ELP4: variants seen among roughly 807,000 people sequenced by gnomAD.
ELP4 encodes elongator complex protein 4.
In ELP4, 51 loss-of-function variants were observed where a neutral mutation model predicts 48.9. The observed-to-expected ratio is 1.04, with a 90% confidence interval of 0.83 to 1.32. The LOEUF (loss-of-function observed/expected upper bound fraction) is 1.32. Among genes scored for constraint, ELP4 ranks in the 40% most tolerant of loss-of-function variants. ELP4 has a pLI of 0.00. For synonymous variants in ELP4, 210 were observed against 189.2 expected, an observed-to-expected ratio of 1.11 and a Z score of -0.90; for missense variants, 519 against 514.6, an observed-to-expected ratio of 1.01 and a Z score of -0.08.
chr11:31,613,697 T>A (rs897799778), intron 5 of ELP4, among the ~76,000 whole-genome samples: 1 of 151,700 alleles, frequency 6.6e-6, no homozygotes, highest in African/African-American at 2.4e-5. Context: ...ACGTTTGAAT[T>A]TTTATGATGA....
intron 3 of ELP4, among the ~76,000 whole-genome samples, chr11:31,583,776 C>T (rs1020224188): frequency 2.6e-5 from 4 of 152,068 alleles, no homozygotes; most frequent in South Asian, 2.1e-4. Context: ...AAATACATTT[C>T]CTATTTTCTA....
rs1264323288 is a variant in ELP4 at position 31,547,936 on chromosome 11, A to G, written c.381+8153A>G. ...AAAAGGCCTTTGACAAAATTCAACA[A>G]CCCTTCATGCTAAAAACTCTCAATA... On this transcript the variant is annotated intron_variant, in intron 3 of 9. Coordinates refer to ENST00000640961, the MANE Select transcript of ELP4 (RefSeq NM_019040.5). 7.9e-5 allele frequency among the ~76,000 whole-genome samples: 12 copies of G among 152,136 alleles called. No homozygotes were observed. The South Asian group carries it at 8.3e-4, about 11-fold the overall frequency.
At chr11:31,725,068 G>T (rs1947048047) in intron 9 of ELP4, among the ~76,000 whole-genome samples, 1 of 152,174 alleles carries the variant, frequency 6.6e-6, no homozygotes, top group Non-Finnish European at 1.5e-5. Flanking sequence ...GTGGGAATAG[G>T]CATATGTTTC....
At chr11:31,738,569 C>G (rs1431318451) in intron 9 of ELP4, among the ~76,000 whole-genome samples, 2 of 152,082 alleles carry the variant, frequency 1.3e-5, no homozygotes, top group Non-Finnish European at 2.9e-5. Context: ...AACCCCATCT[C>G]TACAAAAAAT....
chr11:31,562,666 T>C (rs1957040819), intron 3 of ELP4, among the ~76,000 whole-genome samples: 1 of 152,176 alleles, frequency 6.6e-6, no homozygotes, highest in Non-Finnish European at 1.5e-5. Context: ...CACTTTTATA[T>C]TCAAGAAAAA....
intron 6 of ELP4, among the ~76,000 whole-genome samples, chr11:31,627,723 G>T (rs1944776969): frequency 6.6e-6 from 1 of 151,994 alleles, no homozygotes; most frequent in African/African-American, 2.4e-5. Flanking sequence ...CACTAATAAA[G>T]ATGTTCTGGT....
chr11:31,547,252 G>GA (rs1231204972), intron 3 of ELP4, among the ~76,000 whole-genome samples: 2 of 151,514 alleles, frequency 1.3e-5, no homozygotes, highest in Non-Finnish European at 1.5e-5. Flanking sequence ...GACTAATAAA[G>GA]AAAAAAAGAG....
At chr11:31,574,919 A>T (rs1957248114) in intron 3 of ELP4, among the ~76,000 whole-genome samples, 1 of 152,216 alleles carries the variant, frequency 6.6e-6, no homozygotes, top group Non-Finnish European at 1.5e-5. Context: ...CAACAGAACA[A>T]AGCTGGACGG....
intron 5 of ELP4, among the ~76,000 whole-genome samples, chr11:31,616,016 A>G (rs964469522): frequency 2.0e-5 from 3 of 152,216 alleles, no homozygotes; most frequent in African/African-American, 7.2e-5. Context: ...CAAAAATCCT[A>G]TGACATTAGT....
intron 5 of ELP4, among the ~76,000 whole-genome samples, chr11:31,611,488 C>T (rs191920118): frequency 2.0e-3 from 304 of 152,276 alleles, no homozygotes; most frequent in African/African-American, 7.0e-3. Flanking sequence ...ATCGCTATCT[C>T]TCTCTCTCAT....
intron 9 of ELP4, among the ~76,000 whole-genome samples, chr11:31,676,532 A>C (rs1010329892): frequency 6.6e-6 from 1 of 152,210 alleles, no homozygotes; most frequent in Non-Finnish European, 1.5e-5. Flanking sequence ...AAGGTGCTCA[A>C]AAAAACAAGT....
At chr11:31,697,585 A>G (rs1946437797) in intron 9 of ELP4, among the ~76,000 whole-genome samples, 1 of 152,150 alleles carries the variant, frequency 6.6e-6, no homozygotes, top group Non-Finnish European at 1.5e-5. Flanking sequence ...AAGTATTTGT[A>G]GTCATTCTTG....
chr11:31,735,982 G>C (rs1323389549), intron 9 of ELP4, among the ~76,000 whole-genome samples: 1 of 152,012 alleles, frequency 6.6e-6, no homozygotes, highest in East Asian at 1.9e-4. Context: ...CTATTTTAAA[G>C]TTCATATGGA....
intron 2 of ELP4, 29 bp downstream of exon 2, chr11:31,520,120 C>T: frequency 6.3e-7 from 1 of 1,589,578 alleles, no homozygotes. Context: ...CTTTGCTCTC[C>T]TCTATCATTG....
chr11:31,554,997 T>C (rs995348659), intron 3 of ELP4, among the ~76,000 whole-genome samples: 11 of 152,206 alleles, frequency 7.2e-5, no homozygotes, highest in Non-Finnish European at 1.6e-4. Context: ...GCTTTCAATG[T>C]CATTATTTGC....
chr11:31,790,095 T>TAGAA lies in ELP4; in HGVS notation c.*6572_*6573insGAAA. 1 of 61,324 alleles carries TAGAA rather than the reference T, an allele frequency of 1.6e-5. No homozygotes were observed. Among genetic ancestry groups the TAGAA allele is most frequent in the Non-Finnish European group, 2.6e-5 (1 of 39,162 alleles). 3.8% of individuals were successfully genotyped at this position (61,324 alleles called of 1,614,324 possible). The stretch of plus-strand genomic sequence containing the variant: ...GACATGGAATACAAATTTATAGGTT[T>TAGAA]ACAAAAAAAAAAAAAAAAAAAAAAA... On this transcript the variant is annotated 3_prime_UTR_variant, in exon 10 of 10. Transcript: ENST00000640961.
At chr11:31,546,155 G>T (rs902081655) in intron 3 of ELP4, among the ~76,000 whole-genome samples, 3 of 151,814 alleles carry the variant, frequency 2.0e-5, no homozygotes, top group African/African-American at 7.3e-5. Context: ...AAATGTAAAT[G>T]GACTAAATGC....
intron 9 of ELP4, among the ~76,000 whole-genome samples, chr11:31,750,640 G>GT (rs1036705422): frequency 1.5e-4 from 23 of 151,544 alleles, no homozygotes; most frequent in African/African-American, 4.1e-4. Flanking sequence ...ATTGTTTTTG[G>GT]TTTTTTTTAC....
At chr11:31,777,111 T>C (rs1053053045) in intron 9 of ELP4, among the ~76,000 whole-genome samples, 4 of 152,096 alleles carry the variant, frequency 2.6e-5, no homozygotes, top group Admixed American at 1.3e-4. Flanking sequence ...AATGTAATAA[T>C]TAGGGAGTAC....
Sources: allele counts gnomAD v4.1 joint callset (sites outside exome capture counted in the v4.1 genomes callset), GRCh38; gene constraint gnomAD v4.1.1; transcripts MANE v1.5; gene names NCBI Gene and HGNC (gene_info 2026-07-23, HGNC 2026-07-21).